TSHZ3: variants seen among roughly 807,000 people sequenced by gnomAD.
TSHZ3 encodes teashirt zinc finger homeobox 3, also known as teashirt homolog 3.
Under a neutral mutation model 64.5 loss-of-function variants are expected in TSHZ3, and 10 were observed. That is an observed-to-expected ratio of 0.16 (90% CI 0.10 to 0.26). TSHZ3 has a LOEUF of 0.26. Among genes scored for constraint, TSHZ3 ranks in the 10% least tolerant of loss-of-function variants. The probability of loss-of-function intolerance (pLI) is 1.00; values close to 1 mark genes in which losing one functional copy is unlikely to be tolerated. For synonymous variants in TSHZ3, 608 were observed against 593.1 expected (o/e 1.03, Z -0.36); for missense variants, 1,242 against 1,421.7 (o/e 0.87, Z 2.03).
At chr19:31,171,943 G>T (rs543812878) in intron 5 of TSHZ3, among the ~76,000 whole-genome samples, 1 of 152,138 alleles carries the variant, frequency 6.6e-6, no homozygotes, top group Non-Finnish European at 1.5e-5. Context: ...AACCATGCAA[G>T]CCTCTCCTCA....
At chr19:31,274,739 A>C (rs1976196660), downstream of TSHZ3, among the ~76,000 whole-genome samples, 1 of 151,690 alleles carries the variant, frequency 6.6e-6, no homozygotes, top group African/African-American at 2.4e-5. Flanking sequence ...TGCAGATCCT[A>C]TTCGAGCTGC....
intron 5 of TSHZ3, among the ~76,000 whole-genome samples, chr19:31,168,777 G>C (rs1429867328): frequency 6.6e-6 from 1 of 152,098 alleles, no homozygotes; most frequent in African/African-American, 2.4e-5. Context: ...AATAGGTTCT[G>C]TACCCAGGTC....
intron 1 of TSHZ3, among the ~76,000 whole-genome samples, chr19:31,260,043 T>C (rs373948461): frequency 1.3e-5 from 2 of 152,326 alleles, no homozygotes; most frequent in East Asian, 3.9e-4. Flanking sequence ...CCTTCTGCTC[T>C]GCCCTGTGCT....
chr19:31,312,338 CTA>C (rs1916481901), intron 1 of TSHZ3, among the ~76,000 whole-genome samples: 1 of 152,164 alleles, frequency 6.6e-6, no homozygotes, highest in African/African-American at 2.4e-5. Context: ...GTCCATGGGG[CTA>C]TATATGTTTA....
intron 1 of TSHZ3, among the ~76,000 whole-genome samples, chr19:31,252,614 G>A (rs1975857303): frequency 6.6e-6 from 1 of 152,160 alleles, no homozygotes. Context: ...CATTTCCTCT[G>A]CTTGCAGCTC....
At chr19:31,349,505 TGGA>T (rs956503059), upstream of TSHZ3, 762 of 304,572 alleles carry the variant, frequency 2.5e-3, no homozygotes, top group Middle Eastern at 7.5e-3. Context: ...GAGGAGGAGG[TGGA>T]GGAGGAGGAG....
chr19:31,164,712 G>T (rs1974420311), intron 5 of TSHZ3, among the ~76,000 whole-genome samples: 1 of 152,184 alleles, frequency 6.6e-6, no homozygotes, highest in Non-Finnish European at 1.5e-5. Context: ...GACGCTGCGT[G>T]CATGAAGGCT....
intron 1 of TSHZ3, among the ~76,000 whole-genome samples, chr19:31,246,135 AT>A (rs1385151228): frequency 3.9e-5 from 6 of 152,208 alleles, no homozygotes; most frequent in African/African-American, 1.4e-4. Context: ...TTTTTTTTAA[AT>A]TTAAAAAAGT....
intron 5 of TSHZ3, among the ~76,000 whole-genome samples, chr19:31,194,659 A>C (rs763976102): frequency 2.0e-5 from 3 of 152,192 alleles, no homozygotes; most frequent in Admixed American, 6.5e-5. Context: ...TATCCAGTAC[A>C]TATTGACCAG....
chr19:31,348,300 A>T (rs1255025167), intron 1 of TSHZ3, among the ~76,000 whole-genome samples: 1 of 152,188 alleles, frequency 6.6e-6, no homozygotes, highest in Non-Finnish European at 1.5e-5. Flanking sequence ...AAGGATGGCA[A>T]CGGGCCAGAA....
chr19:31,242,836 C>T (rs1424353417), exon 2 of TSHZ3, among the ~76,000 whole-genome samples: 5 of 89,792 alleles, frequency 5.6e-5, no homozygotes, highest in East Asian at 2.9e-4. Flanking sequence ...GAACCTGGAG[C>T]TCTGATGTCC....
At chr19:31,329,885 A>G (rs1018513283) in intron 1 of TSHZ3, among the ~76,000 whole-genome samples, 2 of 152,188 alleles carry the variant, frequency 1.3e-5, no homozygotes, top group African/African-American at 4.8e-5. Flanking sequence ...CAAGGATCAC[A>G]TGCCAAAATT....
At chr19:31,294,555 C>T (rs139154307) in intron 1 of TSHZ3, among the ~76,000 whole-genome samples, 1 of 152,314 alleles carries the variant, frequency 6.6e-6, no homozygotes, top group East Asian at 1.9e-4. Flanking sequence ...AAAAATCATT[C>T]TAGCCTGCTT....
chr19:31,186,410 T>C (rs2145132969), intron 5 of TSHZ3, among the ~76,000 whole-genome samples: 1 of 152,252 alleles, frequency 6.6e-6, no homozygotes, highest in African/African-American at 2.4e-5. Flanking sequence ...ATCTGAATGG[T>C]TTTATAAGAG....
rs1041456974 is a variant in TSHZ3 at position 31,245,106 on chromosome 19, AT to A, written n.64-2232del. Among the ~76,000 whole-genome samples the A allele has an allele frequency of 1.6e-4, 25 of 152,208 alleles. No individual in the cohort carries two copies. The South Asian group carries it at 2.3e-3, about 14-fold the overall frequency. On this transcript the variant is annotated intron_variant and non_coding_transcript_variant, in intron 1 of 6. Transcript: ENST00000651361. ...TAGTGTTGATTGTTGGTGATTTATT[AT>A]TTTTTTCTTTATTATAATATTCTAT...
At chr19:31,246,734 T>G (rs1425272524) in intron 1 of TSHZ3, among the ~76,000 whole-genome samples, 1 of 152,084 alleles carries the variant, frequency 6.6e-6, no homozygotes, top group Non-Finnish European at 1.5e-5. Flanking sequence ...CGAGCATACT[T>G]AGCATGGAGG....
chr19:31,318,870 TCACCAATAC>T (rs1466370135), intron 1 of TSHZ3, among the ~76,000 whole-genome samples: 3 of 152,202 alleles, frequency 2.0e-5, no homozygotes, highest in African/African-American at 7.2e-5. Context: ...AACGATCCGG[TCACCAATAC>T]TGTGGCAAAC....
intron 1 of TSHZ3, among the ~76,000 whole-genome samples, chr19:31,337,301 C>T (rs1332844357): frequency 1.3e-5 from 2 of 152,078 alleles, no homozygotes; most frequent in East Asian, 3.9e-4. Context: ...AGAAGAAAAG[C>T]GAACAAAAAA....
chr19:31,173,616 C>T (rs1038021733), intron 5 of TSHZ3, among the ~76,000 whole-genome samples: 4 of 152,186 alleles, frequency 2.6e-5, no homozygotes, highest in Non-Finnish European at 5.9e-5. Context: ...TTTGCACATG[C>T]TATGGTTTGC....
Sources: allele counts gnomAD v4.1 joint callset (sites outside exome capture counted in the v4.1 genomes callset), GRCh38; gene constraint gnomAD v4.1.1; transcripts MANE v1.5; gene names NCBI Gene and HGNC (gene_info 2026-07-23, HGNC 2026-07-21).